TMEM9B: variants seen among roughly 807,000 people sequenced by gnomAD.
The protein encoded by TMEM9B is transmembrane protein 9B.
Under a neutral mutation model 23.5 loss-of-function variants are expected in TMEM9B, and 8 were observed. That is an observed-to-expected ratio of 0.34 (90% CI 0.20 to 0.61). TMEM9B has a LOEUF of 0.61. TMEM9B is among the 20% of genes least tolerant of loss of function. The pLI, the probability that TMEM9B is intolerant of heterozygous loss-of-function variation, is 0.78. For synonymous variants in TMEM9B, 106 were observed against 96.3 expected, an observed-to-expected ratio of 1.10 and a Z score of -0.59; for missense variants, 197 against 252.3, an observed-to-expected ratio of 0.78 and a Z score of 1.49.
At position 8,957,667 on chromosome 11, in the gene TMEM9B, T is replaced by C. The variant is rs1033887667; in HGVS notation, c.198-1369A>G. On this transcript the variant is annotated intron_variant, in intron 2 of 4. Coordinates refer to ENST00000534025, the MANE Select transcript of TMEM9B (RefSeq NM_020644.3). This position sits in a 1 kb window ranked among gnomAD's most constrained non-coding sequence, Gnocchi z 4.3. Reference sequence around the variant, plus strand: ...GAGGAATAAGTTCTAGTGTTCTATATCCCTGTAGGATGACTATAGTCAACA... The same window carrying C: ...GAGGAATAAGTTCTAGTGTTCTATACCCCTGTAGGATGACTATAGTCAACA... Among the ~76,000 whole-genome samples the C allele has an allele frequency of 9.9e-5, 15 of 152,178 alleles. No individual in the cohort carries two copies. The highest frequency in any genetic ancestry group is 3.1e-4 in the African/African-American group (13 of 41,428).
At position 8,964,199 on chromosome 11, in the gene TMEM9B, C is replaced by A; in HGVS notation, c.105+10G>T. 1 of 1,565,190 alleles carries A rather than the reference C, an allele frequency of 6.4e-7. No homozygotes were observed. The highest frequency in any genetic ancestry group is 1.2e-5 in the South Asian group (1 of 84,918). On this transcript the variant is annotated intron_variant, in intron 1 of 4. Coordinates refer to ENST00000534025, the MANE Select transcript of TMEM9B (RefSeq NM_020644.3). ...AGCTTCCGTCAGGAGCGAGGCTGGG[C>A]GGGACTCACCTTGGCGGCGTCTGAC...
intron 3 of TMEM9B, among the ~76,000 whole-genome samples, chr11:8,955,424 T>C (rs1028050174): frequency 6.6e-6 from 1 of 152,176 alleles, no homozygotes; most frequent in Non-Finnish European, 1.5e-5. Flanking sequence ...TATAATGAAA[T>C]AATTATACAG....
At chr11:8,951,435 AT>A (rs1406131887) in intron 4 of TMEM9B, among the ~76,000 whole-genome samples, 5 of 152,142 alleles carry the variant, frequency 3.3e-5, no homozygotes, top group African/African-American at 7.2e-5. Flanking sequence ...TTCTAAAAAA[AT>A]AATTATATAT....
In TMEM9B at chr11:8,955,314, A is replaced by AT. The variant is rs573999245; in HGVS notation, c.306+875dup. Among the ~76,000 whole-genome samples the AT allele has an allele frequency of 3.6e-3, 552 of 152,054 alleles. 7 individuals carry two copies. Among genetic ancestry groups the AT allele is most frequent in the African/African-American group, 0.013 (530 of 41,492 alleles). ...GACGGGACCAGTTTCATGGAAGACAATTTTTTCATGGACCAGGGGTGGTAG... is the reference window on the plus strand; with the variant it reads ...GACGGGACCAGTTTCATGGAAGACAATTTTTTTCATGGACCAGGGGTGGTAG... On this transcript the variant is annotated intron_variant, in intron 3 of 4. Coordinates refer to ENST00000534025, the MANE Select transcript of TMEM9B (RefSeq NM_020644.3).
chr11:8,950,097 G>A (rs949602958), intron 4 of TMEM9B, among the ~76,000 whole-genome samples: 1 of 150,544 alleles, frequency 6.6e-6, no homozygotes, highest in Non-Finnish European at 1.5e-5. Context: ...AATTTCATGA[G>A]GCTTAAAATG....
At chr11:8,959,123 GAGA>G (rs1854028119) in intron 2 of TMEM9B, among the ~76,000 whole-genome samples, 1 of 152,174 alleles carries the variant, frequency 6.6e-6, no homozygotes, top group South Asian at 2.1e-4. Flanking sequence ...CTCAGGCTTA[GAGA>G]AGGTCACAGA....
chr11:8,953,124 T>C (rs752392065), intron 4 of TMEM9B, 79 bp downstream of exon 4: 3 of 1,560,020 alleles, frequency 1.9e-6, no homozygotes, highest in Admixed American at 3.3e-5. Context: ...CATCTATATA[T>C]GACTATTTTT....
chr11:8,953,474 T>G (rs1485948036), intron 3 of TMEM9B, 137 bp from the exon 4 acceptor site: 2 of 828,576 alleles, frequency 2.4e-6, no homozygotes, highest in Admixed American at 5.9e-5. Context: ...ATATAAGAAA[T>G]AAACTCAACT....
At chr11:8,959,272 T>C (rs113507708) in intron 2 of TMEM9B, among the ~76,000 whole-genome samples, 1 of 152,154 alleles carries the variant, frequency 6.6e-6, no homozygotes, top group African/African-American at 2.4e-5. Flanking sequence ...TGAGACCCAG[T>C]GTCGACAAAA....
At chr11:8,964,626 T>G, upstream of TMEM9B, 2 of 431,898 alleles carry the variant, frequency 4.6e-6, no homozygotes, top group East Asian at 5.7e-5. Flanking sequence ...TTTGCATCTC[T>G]TGGATATCTT....
chr11:8,962,258 T>C, intron 1 of TMEM9B, 75 bp from the exon 2 acceptor site: 1 of 942,874 alleles, frequency 1.1e-6, no homozygotes, highest in East Asian at 2.9e-5. Flanking sequence ...ACCATATACA[T>C]TTTGCCAAGC....
chr11:8,950,907 G>C (rs933017926), intron 4 of TMEM9B, among the ~76,000 whole-genome samples: 1 of 152,120 alleles, frequency 6.6e-6, no homozygotes, highest in Non-Finnish European at 1.5e-5. Flanking sequence ...CTCACATCTT[G>C]GATAAGCAAC....
In TMEM9B at chr11:8,964,378, C is replaced by A; in HGVS notation, c.-65G>T. 2.0e-6 allele frequency: 3 copies of A among 1,506,340 alleles called. No homozygotes were observed. Among genetic ancestry groups the A allele is most frequent in the Non-Finnish European group, 1.8e-6 (2 of 1,130,818 alleles). 93.3% of individuals were successfully genotyped at this position (1,506,340 alleles called of 1,614,324 possible). ...GACCGGCTCCCGGCTCGGGCTCAGG[C>A]TCAGGCTCAGGCTCAGGCACAGGCT... On this transcript the variant is annotated 5_prime_UTR_variant, in exon 1 of 5. Coordinates refer to ENST00000534025, the MANE Select transcript of TMEM9B (RefSeq NM_020644.3).
chr11:8,964,602 G>A, upstream of TMEM9B: 1 of 633,084 alleles, frequency 1.6e-6, no homozygotes, highest in African/African-American at 1.9e-5. Context: ...GTGGCAGCCT[G>A]GGCCCAGTAG....
chr11:8,961,599 C>T (rs774323297), intron 2 of TMEM9B, among the ~76,000 whole-genome samples: 50 of 152,376 alleles, frequency 3.3e-4, no homozygotes, highest in Non-Finnish European at 3.2e-4. Context: ...GTAACTTCTT[C>T]ATTTACACCA....
chr11:8,955,831 G>A (rs1853965122), intron 3 of TMEM9B, among the ~76,000 whole-genome samples: 1 of 152,140 alleles, frequency 6.6e-6, no homozygotes, highest in Admixed American at 6.6e-5. Context: ...TTAAAATCCA[G>A]AAGTAATAGT....
rs996381287 is a variant in TMEM9B at position 8,948,205 on chromosome 11, TC to T, written c.*114del. The T allele has an allele frequency of 3.7e-6, 5 of 1,344,074 alleles. No individual in the cohort carries two copies. The East Asian group carries it at 9.5e-5, about 26-fold the overall frequency. 83.3% of individuals were successfully genotyped at this position (1,344,074 alleles called of 1,614,324 possible). A position where few individuals can be genotyped will look rare whatever the true frequency, so the allele number is the denominator to read the frequency against. ...AGTTTTTGCTTCCAGTTTTGAATCT[TC>T]CAGCAACAGTTGGTGAAATCAACAA... On this transcript the variant is annotated 3_prime_UTR_variant, in exon 5 of 5. Coordinates refer to ENST00000534025, the MANE Select transcript of TMEM9B (RefSeq NM_020644.3).
intron 2 of TMEM9B, among the ~76,000 whole-genome samples, chr11:8,961,125 T>A (rs1417883212): frequency 6.6e-6 from 1 of 152,032 alleles, no homozygotes; most frequent in African/African-American, 2.4e-5. Context: ...TTAACAAATA[T>A]GAGACTGAAC....
chr11:8,956,740 G>A (rs1853981536), intron 2 of TMEM9B, among the ~76,000 whole-genome samples: 1 of 152,108 alleles, frequency 6.6e-6, no homozygotes, highest in South Asian at 2.1e-4. Flanking sequence ...TTTTTTAAGA[G>A]ACAAGGTCTT....
Sources: gnomAD v4.1 joint callset for allele counts (sites outside exome capture counted in the v4.1 genomes callset) on GRCh38, gnomAD v4.1.1 for gene constraint, Gnocchi (gnomAD v3.1) non-coding constraint, MANE v1.5 for transcripts, NCBI Gene and HGNC (gene_info 2026-07-23, HGNC 2026-07-21) for gene names.